UBR2: variants seen among roughly 807,000 people sequenced by gnomAD.
UBR2 encodes the protein ubiquitin protein ligase E3 component n-recognin 2.
Under a neutral mutation model 247.9 loss-of-function variants are expected in UBR2, and 92 were observed. That is an observed-to-expected ratio of 0.37 (90% CI 0.31 to 0.44). The LOEUF is 0.44. Among genes scored for constraint, UBR2 ranks in the 20% least tolerant of loss-of-function variants. The pLI is 1.00. For missense variants in UBR2, 1,613 were observed against 2,112.6 expected, an observed-to-expected ratio of 0.76 and a Z score of 4.64; for synonymous variants, 672 against 693.5, an observed-to-expected ratio of 0.97 and a Z score of 0.49.
chr6:42,645,494 G>A lies in UBR2; in HGVS notation c.2313G>A (p.Gln771=). The A allele has an allele frequency of 6.2e-7, 1 of 1,613,894 alleles. No homozygotes were observed. The highest frequency in any genetic ancestry group is 1.1e-5 in the South Asian group (1 of 91,086). Residue 771 remains glutamine, a synonymous_variant, in exon 21 of 47, where the codon CAG becomes CAA. Transcript: ENST00000372901. ...AGAGATTTAGTCCTGGAGTTGGACA[G>A]GTAAATGCTACAGATGAAATCAAGC... is the stretch of plus-strand genomic sequence containing the variant. ...VGERFSPGVG[Q]VNATDEIKRE...
At chr6:42,590,622 G>A (rs1223056536) in intron 2 of UBR2, among the ~76,000 whole-genome samples, 1 of 152,142 alleles carries the variant, frequency 6.6e-6, no homozygotes, top group African/African-American at 2.4e-5. Context: ...AGAGCAGTAG[G>A]TAAAGAAAAA....
intron 20 of UBR2, among the ~76,000 whole-genome samples, chr6:42,645,045 G>T (rs1796675624): frequency 3.3e-5 from 5 of 152,058 alleles, no homozygotes; most frequent in Admixed American, 6.6e-5. Context: ...ATAGAGCAGA[G>T]AATCCTGGCT....
In UBR2 at chr6:42,673,795, A is replaced by T. The variant is rs1357883533; in HGVS notation, c.4091A>T (p.Asp1364Val). 1.9e-6 allele frequency: 3 copies of T among 1,611,814 alleles called. No individual in the cohort carries two copies. The highest frequency in any genetic ancestry group is 2.5e-6 in the Non-Finnish European group (3 of 1,178,634). Residue 1364 changes from aspartate to valine, a missense_variant, in exon 37 of 47, where the codon GAC becomes GTC. By Grantham distance (152) the Asp-to-Val change is radical. Around this residue, in one of 3 missense-constraint regions of UBR2, gnomAD observed 1,524 missense variants for 1,967.3 expected, o/e 0.77. Transcript: ENST00000372901. ...AATTGCGTTGGTTTATTTTAGGATG[A>T]CTGTCTTAGGTCATTGACGAGATTT... ...LFGPLPCRLD[D>V]CLRSLTRFAA...
In UBR2 at chr6:42,658,701, T is replaced by G. The variant is rs1797590533; in HGVS notation, c.3119T>G (p.Leu1040Arg). 3.1e-6 allele frequency: 5 copies of G among 1,613,230 alleles called. No individual in the cohort carries two copies. Among genetic ancestry groups the G allele is most frequent in the Non-Finnish European group, 3.4e-6 (4 of 1,179,788 alleles). ...ERKRKAEIAR[L>R]RREKIMAQMS... ...AAGAGAAAAGCAGAGATTGCCAGACTGCGCAGAGAAAAGATCATGGCTCAG... is the reference window on the plus strand; with the variant it reads ...AAGAGAAAAGCAGAGATTGCCAGACGGCGCAGAGAAAAGATCATGGCTCAG... Residue 1040 changes from leucine to arginine, a missense_variant, in exon 29 of 47, where the codon CTG becomes CGG. Coordinates refer to ENST00000372901, the MANE Select transcript of UBR2 (RefSeq NM_001363705.2).
chr6:42,646,820 T>TAG (rs765967046), intron 21 of UBR2, among the ~76,000 whole-genome samples: 146 of 146,624 alleles, frequency 1.0e-3, no homozygotes, highest in South Asian at 3.0e-3. Flanking sequence ...TATATATATA[T>TAG]AGAGAGAGAG....
intron 2 of UBR2, among the ~76,000 whole-genome samples, chr6:42,589,404 CGTT>C (rs1792512165): frequency 1.3e-5 from 2 of 152,106 alleles, no homozygotes; most frequent in African/African-American, 4.8e-5. Flanking sequence ...TCTTTTTATA[CGTT>C]GTTGGATTCA....
At chr6:42,580,172 G>A (rs1791788162) in intron 2 of UBR2, among the ~76,000 whole-genome samples, 1 of 152,024 alleles carries the variant, frequency 6.6e-6, no homozygotes, top group Non-Finnish European at 1.5e-5. Context: ...GGGGCCTTCA[G>A]TATAATGGAA....
In UBR2 at chr6:42,693,426, G is replaced by A. The variant is rs1221594428; in HGVS notation, c.*2253G>A. ...AATTGGCTATAACTTTAATATCTGT[G>A]GACAACTTGTAAAATTTGGAATGTA... On this transcript the variant is annotated 3_prime_UTR_variant, in exon 47 of 47. Transcript: ENST00000372901. 6.6e-6 allele frequency: 1 copy of A among 152,014 alleles called. No individual in the cohort carries two copies. Among genetic ancestry groups the A allele is most frequent in the Non-Finnish European group, 1.5e-5 (1 of 68,000 alleles). 9.4% of individuals were successfully genotyped at this position (152,014 alleles called of 1,614,324 possible). A position where few individuals can be genotyped will look rare whatever the true frequency, so the allele number is the denominator to read the frequency against.
chr6:42,598,192 C>A (rs62414616), intron 4 of UBR2, among the ~76,000 whole-genome samples: 11,266 of 152,058 alleles, frequency 0.074, 509 homozygotes, highest in South Asian at 0.12. Context: ...TTGTCCACAA[C>A]CTGTTCTTGT....
intron 16 of UBR2, 84 bp from the exon 17 acceptor site, chr6:42,641,496 ATC>A (rs1796444190): frequency 5.7e-6 from 5 of 870,212 alleles, no homozygotes; most frequent in Non-Finnish European, 8.9e-6. Flanking sequence ...AAAAGCATTT[ATC>A]TCTATCGACC....
intron 2 of UBR2, among the ~76,000 whole-genome samples, chr6:42,579,329 G>A (rs1268420817): frequency 2.0e-5 from 3 of 152,046 alleles, no homozygotes; most frequent in Non-Finnish European, 2.9e-5. Context: ...AGCACCAAGA[G>A]GATGGTGCTA....
rs767058792 is a variant in UBR2 at position 42,645,480 on chromosome 6, C to T, written c.2299C>T (p.Pro767Ser). 1.9e-6 allele frequency: 3 copies of T among 1,613,312 alleles called. No individual in the cohort carries two copies. Among genetic ancestry groups the T allele is most frequent in the Non-Finnish European group, 2.5e-6 (3 of 1,179,674 alleles). The change falls in exon 21 of 47, where the codon CCT becomes TCT. Residue 767 changes from proline to serine, a missense_variant. Coordinates refer to ENST00000372901, the MANE Select transcript of UBR2 (RefSeq NM_001363705.2). ...ATTTTTGACAGGAGAGAGATTTAGT[C>T]CTGGAGTTGGACAGGTAAATGCTAC... ...IIMLVGERFS[P>S]GVGQVNATDE...
chr6:42,630,680 A>G (rs1316860612), intron 11 of UBR2, among the ~76,000 whole-genome samples: 1 of 152,184 alleles, frequency 6.6e-6, no homozygotes, highest in East Asian at 1.9e-4. Context: ...TGAAGTTTTC[A>G]AACTCAGTTT....
chr6:42,571,466 C>A (rs1392035083), intron 1 of UBR2, among the ~76,000 whole-genome samples: 1 of 151,820 alleles, frequency 6.6e-6, no homozygotes, highest in Non-Finnish European at 1.5e-5. Context: ...CTTAATTTTT[C>A]TTTCATAAAG....
chr6:42,632,924 C>G lies in UBR2; in HGVS notation c.1545+20C>G, dbSNP rs771340438. 45 of 918,952 alleles carry G rather than the reference C, an allele frequency of 4.9e-5. No individual in the cohort carries two copies. Among genetic ancestry groups the G allele is most frequent in the Non-Finnish European group, 6.8e-5 (44 of 643,848 alleles). The allele number at this position is 918,952 out of a possible 1,614,324, so 56.9% of individuals were successfully genotyped here. A position where few individuals can be genotyped will look rare whatever the true frequency, so the allele number is the denominator to read the frequency against. On this transcript the variant is annotated intron_variant, in intron 13 of 46. Coordinates refer to ENST00000372901, the MANE Select transcript of UBR2 (RefSeq NM_001363705.2). Reference sequence around the variant, plus strand: ...ATGCAGGTATGTAAAAACTGTTACACTTTTCTTTTTCCTTTTTTTTTTTTC... The same window carrying G: ...ATGCAGGTATGTAAAAACTGTTACAGTTTTCTTTTTCCTTTTTTTTTTTTC...
Position 42,688,273 on chromosome 6 carries a change from A to G in UBR2, c.4911A>G (p.Gly1637=). The part of the protein sequence containing the change: ...SRAPTLCLVC[G]SLLCSQSYCC... ...CCCCAACTCTGTGCCTTGTGTGCGG[A>G]TCTCTGCTGTGCTCCCAGAGTTACT... The change falls in exon 45 of 47, where the codon GGA becomes GGG. Residue 1637 remains glycine, a synonymous_variant. Coordinates refer to ENST00000372901, the MANE Select transcript of UBR2 (RefSeq NM_001363705.2). 6.2e-7 allele frequency: 1 copy of G among 1,613,996 alleles called. No individual in the cohort carries two copies. The highest frequency in any genetic ancestry group is 2.2e-5 in the East Asian group (1 of 44,880).
intron 18 of UBR2, among the ~76,000 whole-genome samples, chr6:42,642,763 C>G (rs190794997): frequency 6.6e-6 from 1 of 152,274 alleles, no homozygotes; most frequent in Non-Finnish European, 1.5e-5. Context: ...CACAGTCTAC[C>G]TAGTTGCTAA....
rs1296694238 is a variant in UBR2, at chr6:42,670,314, T to G, written c.4030+74T>G. The stretch of plus-strand genomic sequence containing the variant: ...ATGAATTAGGCATAGAATCTTGTTT[T>G]TAAATGAAATGTTTGAAGTGGGTAA... On this transcript the variant is annotated intron_variant, in intron 35 of 46. Coordinates refer to ENST00000372901, the MANE Select transcript of UBR2 (RefSeq NM_001363705.2). The G allele has an allele frequency of 8.4e-6, 13 of 1,544,506 alleles. No individual in the cohort carries two copies. The Admixed American group carries it at 1.2e-4, about 14-fold the overall frequency.
At chr6:42,569,271 C>G (rs949768404) in intron 1 of UBR2, among the ~76,000 whole-genome samples, 1 of 152,162 alleles carries the variant, frequency 6.6e-6, no homozygotes, top group Non-Finnish European at 1.5e-5. Context: ...GTTTTACATT[C>G]CCACCAGTAG....
Sources: allele counts gnomAD v4.1 joint callset (sites outside exome capture counted in the v4.1 genomes callset), GRCh38; gene constraint gnomAD v4.1.1; regional missense constraint gnomAD v4.1.1; transcripts MANE v1.5; gene names NCBI Gene and HGNC (gene_info 2026-07-23, HGNC 2026-07-21).